IQSEC1: variants seen among roughly 807,000 people sequenced by gnomAD.
IQSEC1 encodes the protein IQ motif and Sec7 domain ArfGEF 1.
IQSEC1 carries 31 observed loss-of-function variants against 91.0 expected under a neutral mutation model. That is an observed-to-expected ratio of 0.34 (90% CI 0.26 to 0.46). The LOEUF is 0.46. Among genes scored for constraint, IQSEC1 ranks in the 20% least tolerant of loss-of-function variants. IQSEC1 has a pLI of 1.00. For synonymous variants in IQSEC1, 699 were observed against 662.6 expected (o/e 1.05, Z -0.84); for missense variants, 1,388 against 1,575.6 (o/e 0.88, Z 2.02).
intron 1 of IQSEC1, among the ~76,000 whole-genome samples, chr3:13,234,543 C>T (rs564663050): frequency 6.6e-6 from 1 of 152,304 alleles, no homozygotes; most frequent in Admixed American, 6.5e-5. Flanking sequence ...TACCCCATGT[C>T]ATCTTGCGCT....
chr3:13,165,578 G>GTGTGTGTGTC (rs1377649445), intron 1 of IQSEC1, among the ~76,000 whole-genome samples: 94 of 105,746 alleles, frequency 8.9e-4, no homozygotes, highest in African/African-American at 3.4e-3. Context: ...GTGTGTGTGT[G>GTGTGTGTGTC]TGTCTGTCTG....
At chr3:13,043,430 C>A (rs540484559) in intron 1 of IQSEC1, among the ~76,000 whole-genome samples, 73 of 152,316 alleles carry the variant, frequency 4.8e-4, no homozygotes, top group Non-Finnish European at 9.4e-4. Flanking sequence ...CCACCCTCAC[C>A]CCCATGAATC....
chr3:13,049,830 G>A (rs1470365571), intron 1 of IQSEC1, among the ~76,000 whole-genome samples: 2 of 152,144 alleles, frequency 1.3e-5, no homozygotes. Context: ...ACAGAGGTAC[G>A]GTCACACCCT....
chr3:12,940,629 G>A lies in IQSEC1; in HGVS notation c.318+942C>T, dbSNP rs1008169247. On this transcript the variant is annotated intron_variant, in intron 2 of 13. Coordinates refer to ENST00000613206, the MANE Select transcript of IQSEC1 (RefSeq NM_001134382.3). This position sits in a 1 kb window ranked among gnomAD's most constrained non-coding sequence, Gnocchi z 4.4. Reference sequence around the variant, plus strand: ...GTCTAGAGCTCAGTGCCCAGGAGCTGGGGAGAGTCTGACAGCCCTCCCCAG... The same window carrying A: ...GTCTAGAGCTCAGTGCCCAGGAGCTAGGGAGAGTCTGACAGCCCTCCCCAG... Among the ~76,000 whole-genome samples the A allele has an allele frequency of 7.9e-5, 12 of 151,870 alleles. No homozygotes were observed. Among genetic ancestry groups the A allele is most frequent in the African/African-American group, 1.2e-4 (5 of 41,332 alleles).
rs1029640885 is a variant in IQSEC1 at position 12,967,726 on chromosome 3, G to C, written c.24-25861C>G. The C allele has an allele frequency of 1.4e-5, 15 of 1,090,734 alleles. No homozygotes were observed. The highest frequency in any genetic ancestry group is 1.7e-5 in the Non-Finnish European group (15 of 899,938). The allele number at this position is 1,090,734 out of a possible 1,614,324, so 67.6% of individuals were successfully genotyped here. On this transcript the variant is annotated intron_variant, in intron 1 of 13. Coordinates refer to ENST00000613206, the MANE Select transcript of IQSEC1 (RefSeq NM_001134382.3). The surrounding 1 kb of genome is among the most constrained non-coding windows in gnomAD (Gnocchi z 5.9). ...GGCCGGGCCGGAGGAATGTGGCCCT[G>C]AAGTGGGCGGGGCAGGGCGGGGGCG...
chr3:13,016,250 C>T (rs930329753), intron 1 of IQSEC1, among the ~76,000 whole-genome samples: 5 of 152,248 alleles, frequency 3.3e-5, no homozygotes, highest in African/African-American at 1.2e-4. Flanking sequence ...GAAGCCTCCT[C>T]TCCGCCAGGA....
At chr3:13,061,850 CG>C (rs933322096) in intron 1 of IQSEC1, among the ~76,000 whole-genome samples, 27 of 152,334 alleles carry the variant, frequency 1.8e-4, no homozygotes, top group Non-Finnish European at 3.4e-4. Flanking sequence ...CCCAGTGGTT[CG>C]GGGGGCTGAC....
chr3:12,906,827 G>A (rs1425099943), intron 12 of IQSEC1, among the ~76,000 whole-genome samples: 1 of 152,204 alleles, frequency 6.6e-6, no homozygotes. Context: ...CTAAGGGAAG[G>A]GAGAGGGCAG....
At chr3:13,260,101 G>A (rs1033262650) in intron 1 of IQSEC1, among the ~76,000 whole-genome samples, 6 of 152,212 alleles carry the variant, frequency 3.9e-5, no homozygotes, top group African/African-American at 7.2e-5. Flanking sequence ...TTGCAGGGCT[G>A]GAGGAAGAGG....
chr3:12,910,494 G>C (rs1041897928), intron 10 of IQSEC1, among the ~76,000 whole-genome samples: 1 of 152,262 alleles, frequency 6.6e-6, no homozygotes, highest in East Asian at 1.9e-4. Flanking sequence ...GCTACTGCTG[G>C]TCAGGACAAT....
chr3:13,010,999 C>T lies in IQSEC1; in HGVS notation c.23+61993G>A, dbSNP rs531336780. Among the ~76,000 whole-genome samples, 18 of 152,352 alleles carry T rather than the reference C, an allele frequency of 1.2e-4. No individual in the cohort carries two copies. In the East Asian group the frequency reaches 3.1e-3, roughly 26 times the overall value. Reference sequence around the variant, plus strand: ...GGAAGCCTCCCCACACTTCCTCCACCACTCTGAGTGTCAGTGGCATCTACC... The same window carrying T: ...GGAAGCCTCCCCACACTTCCTCCACTACTCTGAGTGTCAGTGGCATCTACC... On this transcript the variant is annotated intron_variant, in intron 1 of 13. Coordinates refer to ENST00000613206, the MANE Select transcript of IQSEC1 (RefSeq NM_001134382.3).
chr3:13,177,134 G>T (rs1693746828), intron 1 of IQSEC1, among the ~76,000 whole-genome samples: 1 of 152,208 alleles, frequency 6.6e-6, no homozygotes, highest in South Asian at 2.1e-4. Flanking sequence ...GGCGAGGGGT[G>T]TACAAGTCTG....
chr3:13,132,912 C>G (rs909750529), intron 2 of IQSEC1, among the ~76,000 whole-genome samples: 1 of 152,202 alleles, frequency 6.6e-6, no homozygotes, highest in African/African-American at 2.4e-5. Flanking sequence ...CCCGAATGCA[C>G]AGATCACCTC....
intron 1 of IQSEC1, among the ~76,000 whole-genome samples, chr3:13,247,159 C>T (rs188646040): frequency 6.6e-6 from 1 of 152,154 alleles, no homozygotes. Context: ...CTGCAGGGGA[C>T]GGTTGCTAAC....
chr3:13,065,155 G>A (rs1184519314), intron 1 of IQSEC1, among the ~76,000 whole-genome samples: 6 of 152,224 alleles, frequency 3.9e-5, no homozygotes, highest in Non-Finnish European at 4.4e-5. Flanking sequence ...TGCAGGGGCC[G>A]GCTGGTCACA....
At chr3:13,218,502 T>A (rs1576299018) in intron 1 of IQSEC1, among the ~76,000 whole-genome samples, 1 of 152,164 alleles carries the variant, frequency 6.6e-6, no homozygotes, top group Non-Finnish European at 1.5e-5. Flanking sequence ...GCGGGAGGTG[T>A]GGGAAGCCTG....
chr3:13,238,178 ACAT>A (rs1301138906), intron 1 of IQSEC1, among the ~76,000 whole-genome samples: 1 of 152,170 alleles, frequency 6.6e-6, no homozygotes, highest in East Asian at 1.9e-4. Flanking sequence ...GGGTGCAGAC[ACAT>A]CAGCCCACGG....
In IQSEC1 at chr3:13,073,410, G is replaced by T. The variant is rs979462116; in HGVS notation, c.-396C>A. 6.6e-6 allele frequency among the ~76,000 whole-genome samples: 1 copy of T among 152,184 alleles called. No individual in the cohort carries two copies. Among genetic ancestry groups the T allele is most frequent in the African/African-American group, 2.4e-5 (1 of 41,462 alleles). On this transcript the variant is annotated 5_prime_UTR_variant, in exon 1 of 14. Coordinates refer to ENST00000613206, the MANE Select transcript of IQSEC1 (RefSeq NM_001134382.3). ...GGAGGGTCGAGAGAAGGCTGCCCCG[G>T]GTTTGCTCTCGCAGCATCCGGAGAA...
At chr3:13,141,849 A>G (rs956170233) in intron 2 of IQSEC1, among the ~76,000 whole-genome samples, 1 of 152,234 alleles carries the variant, frequency 6.6e-6, no homozygotes, top group Non-Finnish European at 1.5e-5. Flanking sequence ...CCGTCACTTC[A>G]TCTTCTCCTC....
Sources: gnomAD v4.1 joint callset for allele counts (sites outside exome capture counted in the v4.1 genomes callset) on GRCh38, gnomAD v4.1.1 for gene constraint, Gnocchi (gnomAD v3.1) non-coding constraint, MANE v1.5 for transcripts, NCBI Gene and HGNC (gene_info 2026-07-23, HGNC 2026-07-21) for gene names.